The following JUP variants were observed in gnomAD, a reference collection of about 807,000 sequenced individuals.
JUP encodes the protein catenin (cadherin-associated protein), gamma 80kDa.
JUP carries 28 observed loss-of-function variants against 71.1 expected under a neutral mutation model. The ratio of observed to expected loss-of-function variants is 0.39; its 90% CI spans 0.29 to 0.54. The LOEUF (loss-of-function observed/expected upper bound fraction) is 0.54. Among genes scored for constraint, JUP ranks in the 20% least tolerant of loss-of-function variants. The pLI is 0.62. For missense variants in JUP, 869 were observed against 1,030.1 expected (o/e 0.84, Z 2.14); for synonymous variants, 401 against 438.9 (o/e 0.91, Z 1.08).
chr17:41,760,665 A>C (rs577211619), intron 8 of JUP, among the ~76,000 whole-genome samples: 1 of 152,212 alleles, frequency 6.6e-6, no homozygotes, highest in African/African-American at 2.4e-5. Flanking sequence ...GGTTCAAGTA[A>C]TTCTTCTGCC....
intron 1 of JUP, among the ~76,000 whole-genome samples, chr17:41,784,184 A>G (rs1027005360): frequency 3.9e-5 from 6 of 152,096 alleles, no homozygotes; most frequent in African/African-American, 1.4e-4. Flanking sequence ...TGGCTCCAGG[A>G]TGGGAAAAAG....
intron 1 of JUP, among the ~76,000 whole-genome samples, chr17:41,779,232 G>A (rs1212906315): frequency 1.0e-4 from 15 of 143,326 alleles, no homozygotes; most frequent in Admixed American, 4.2e-4. Context: ...GCAAAACTCC[G>A]TCTCAAAAAA....
chr17:41,769,589 C>T lies in JUP; in HGVS notation c.297G>A (p.Ser99=), dbSNP rs200976464. Residue 99 remains serine (S), a synonymous_variant, in exon 3 of 14, where the codon TCG becomes TCA. Coordinates refer to ENST00000393931, the MANE Select transcript of JUP (RefSeq NM_002230.4). ...CCTCCACCTGGGTGGCCAGCAGAAGCGAGCTGTCCTCGCCTGACACACCAG... is the reference window on the plus strand; with the variant it reads ...CCTCCACCTGGGTGGCCAGCAGAAGTGAGCTGTCCTCGCCTGACACACCAG... The part of the protein sequence containing the change: ...MCPGVSGEDS[S]LLLATQVEGQ... 885 of 1,605,758 alleles carry T rather than the reference C, an allele frequency of 5.5e-4. No individual in the cohort carries two copies. The highest frequency in any genetic ancestry group is 1.7e-3 in the Middle Eastern group (10 of 6,044).
chr17:41,783,893 CAAAAAA>C (rs35672991), intron 1 of JUP, among the ~76,000 whole-genome samples: 7 of 81,996 alleles, frequency 8.5e-5, no homozygotes, highest in Admixed American at 2.7e-4. Flanking sequence ...GACTCCATCT[CAAAAAA>C]AAAAAAAAAA....
intron 4 of JUP, 119 bp from the exon 5 acceptor site, chr17:41,767,699 A>T: frequency 1.3e-6 from 1 of 770,146 alleles, no homozygotes. Flanking sequence ...CCCTCTGGAA[A>T]TATCCCTTTG....
intron 1 of JUP, among the ~76,000 whole-genome samples, chr17:41,773,690 G>T (rs1006316453): frequency 3.9e-5 from 6 of 152,148 alleles, no homozygotes; most frequent in Non-Finnish European, 2.9e-5. Context: ...AATGGTGGGG[G>T]GCGGGGGGCG....
In JUP at chr17:41,755,000, G is replaced by A; in HGVS notation, c.*744C>T. The A allele has an allele frequency of 3.4e-6, 1 of 294,498 alleles. No homozygotes were observed. Among genetic ancestry groups the A allele is most frequent in the Non-Finnish European group, 6.2e-6 (1 of 160,172 alleles). 18.2% of individuals were successfully genotyped at this position (294,498 alleles called of 1,614,324 possible). ...CCTGGACGGTCCCTGAACTTTTCAA[G>A]AGAAGTTTTGGATTTTGGGGGTTTG... is the stretch of plus-strand genomic sequence containing the variant. On this transcript the variant is annotated 3_prime_UTR_variant, in exon 14 of 14. Transcript: ENST00000393931.
At chr17:41,763,878 T>C (rs1555602730) in intron 7 of JUP, among the ~76,000 whole-genome samples, 1 of 152,190 alleles carries the variant, frequency 6.6e-6, no homozygotes, top group East Asian at 1.9e-4. Context: ...ACGTGGGCCT[T>C]GTGGTGGAAC....
chr17:41,768,772 G>A (rs544821841), intron 4 of JUP, among the ~76,000 whole-genome samples, 197 bp downstream of exon 4: 15 of 152,264 alleles, frequency 9.9e-5, no homozygotes, highest in Non-Finnish European at 1.8e-4. Context: ...AGCCTGTGTC[G>A]TATCCTGATC....
At chr17:41,765,142 A>C in intron 5 of JUP, 75 bp from the exon 6 acceptor site, 1 of 1,405,270 alleles carries the variant, frequency 7.1e-7, no homozygotes, top group Non-Finnish European at 1.0e-6. Context: ...GACAGGAGAC[A>C]GAACTGTCAT....
intron 10 of JUP, 99 bp downstream of exon 10, chr17:41,758,300 T>G (rs1555599297): frequency 3.9e-6 from 6 of 1,529,134 alleles, no homozygotes; most frequent in Non-Finnish European, 5.4e-6. Context: ...TCCAAAGACC[T>G]CTTGATACCT....
In JUP at chr17:41,769,114, C is replaced by T. The variant is rs782585387; in HGVS notation, c.562G>A (p.Ala188Thr). ...GTATTCTGCATGGTACGCACGACAG[C>T]GGCCACCAGCTGGGGCGAGCCCATC... Reference protein sequence around the residue: ...ALMGSPQLVAAVVRTMQNTSD... With the variant: ...ALMGSPQLVATVVRTMQNTSD... The change falls in exon 4 of 14, where the codon GCT (alanine) becomes ACT (threonine). Residue 188 changes from alanine (A) to threonine (T), a missense_variant. Coordinates refer to ENST00000393931, the MANE Select transcript of JUP (RefSeq NM_002230.4). 23 of 1,611,342 alleles carry T rather than the reference C, an allele frequency of 1.4e-5. No individual in the cohort carries two copies. The highest frequency in any genetic ancestry group is 2.2e-5 in the East Asian group (1 of 44,892).
intron 1 of JUP, among the ~76,000 whole-genome samples, chr17:41,775,255 G>A (rs1436816751): frequency 1.3e-5 from 2 of 152,178 alleles, no homozygotes; most frequent in Admixed American, 6.6e-5. Context: ...GAAGAAGGCT[G>A]GGGGTGGGCA....
At chr17:41,773,247 C>A (rs551008984) in intron 1 of JUP, among the ~76,000 whole-genome samples, 99 of 152,292 alleles carry the variant, frequency 6.5e-4, no homozygotes, top group African/African-American at 2.3e-3. Flanking sequence ...GGCAACCTGG[C>A]CCCACCCCAG....
intron 5 of JUP, among the ~76,000 whole-genome samples, chr17:41,766,610 T>C (rs531082337): frequency 6.6e-6 from 1 of 151,968 alleles, no homozygotes; most frequent in East Asian, 1.9e-4. Context: ...ATCCCAGCAT[T>C]TTATGAGGCC....
intron 2 of JUP, 39 bp from the exon 3 acceptor site, chr17:41,769,716 G>A (rs782594264): frequency 6.3e-7 from 1 of 1,596,552 alleles, no homozygotes; most frequent in Non-Finnish European, 8.5e-7. Context: ...GCAGGCAGTG[G>A]GCTGGGCAGA....
chr17:41,760,967 G>C (rs782396954), intron 8 of JUP, among the ~76,000 whole-genome samples: 1 of 152,112 alleles, frequency 6.6e-6, no homozygotes, highest in Non-Finnish European at 1.5e-5. Flanking sequence ...CTCACTCTCT[G>C]GCACCAGATG....
At position 41,758,522 on chromosome 17, in the gene JUP, TGTGAGAG is replaced by T; in HGVS notation, c.1654-11_1654-5del. 2 of 1,608,194 alleles carry T rather than the reference TGTGAGAG, an allele frequency of 1.2e-6. No individual in the cohort carries two copies. The highest frequency in any genetic ancestry group is 1.7e-4 in the Middle Eastern group (1 of 6,044). ...TCTCCTCCATCCTCACACCATCCTGTGTGAGAGGAGGCAGGGGGCATGGGACAGGTGC... is the reference window on the plus strand; with the variant it reads ...TCTCCTCCATCCTCACACCATCCTGTGAGGCAGGGGGCATGGGACAGGTGC... On this transcript the variant is annotated splice_region_variant and splice_polypyrimidine_tract_variant and intron_variant, in intron 9 of 13. Coordinates refer to ENST00000393931, the MANE Select transcript of JUP (RefSeq NM_002230.4).
intron 1 of JUP, among the ~76,000 whole-genome samples, chr17:41,776,242 C>T (rs183194657): frequency 6.6e-6 from 1 of 152,374 alleles, no homozygotes; most frequent in Non-Finnish European, 1.5e-5. Context: ...CAGGCTCAGA[C>T]AGCGACAGGG....
Sources: allele counts gnomAD v4.1 joint callset (sites outside exome capture counted in the v4.1 genomes callset), GRCh38; gene constraint gnomAD v4.1.1; transcripts MANE v1.5; gene names NCBI Gene and HGNC (gene_info 2026-07-23, HGNC 2026-07-21).